Variants in ELP6 observed in about 807,000 individuals in gnomAD.
The protein encoded by ELP6 is elongator complex protein 6.
In ELP6, 23 loss-of-function variants were observed where a neutral mutation model predicts 28.1. The observed-to-expected ratio is 0.82, with a 90% CI of 0.59 to 1.16. The LOEUF is 1.16. Ranked by LOEUF, ELP6 falls within the 50% of genes most tolerant of loss-of-function variation. ELP6 has a pLI of 0.00. For synonymous variants in ELP6, 132 were observed against 135.8 expected, an observed-to-expected ratio of 0.97 and a Z score of 0.19; for missense variants, 313 against 334.6, an observed-to-expected ratio of 0.94 and a Z score of 0.50.
chr3:47,503,184 C>A, intron 4 of ELP6: 1 of 1,159,928 alleles, frequency 8.6e-7, no homozygotes, highest in Non-Finnish European at 1.1e-6. Flanking sequence ...GTCAGAGATG[C>A]TAAGGGATGT....
chr3:47,499,741 A>C (rs1180107870), intron 5 of ELP6: 2 of 1,006,910 alleles, frequency 2.0e-6, no homozygotes, highest in Non-Finnish European at 2.4e-6. Flanking sequence ...GAAAAAGAAT[A>C]AGTGGCTCCT....
intron 4 of ELP6, 29 bp from the exon 5 acceptor site, chr3:47,501,880 C>G: frequency 6.3e-7 from 1 of 1,593,904 alleles, no homozygotes; most frequent in Non-Finnish European, 8.6e-7. Flanking sequence ...AGTTACCAGA[C>G]TTCACTCTCT....
chr3:47,509,088 C>T (rs760244704), intron 3 of ELP6, among the ~76,000 whole-genome samples: 5 of 148,680 alleles, frequency 3.4e-5, no homozygotes, highest in African/African-American at 7.5e-5. Context: ...TTTATTGAAA[C>T]GCTGTGTCAC....
chr3:47,513,231 A>G (rs1367681264), intron 1 of ELP6: 18 of 1,236,000 alleles, frequency 1.5e-5, no homozygotes, highest in Non-Finnish European at 7.1e-6. Flanking sequence ...ACCTTAGATG[A>G]TGCACCCGCC....
chr3:47,505,547 G>C (rs117768043), intron 3 of ELP6, among the ~76,000 whole-genome samples: 4,606 of 151,774 alleles, frequency 0.03, 245 homozygotes, highest in East Asian at 0.15. Context: ...TGGGATTACA[G>C]GTATGCACCA....
chr3:47,506,714 T>C (rs1008117183), intron 3 of ELP6, among the ~76,000 whole-genome samples: 2 of 152,336 alleles, frequency 1.3e-5, no homozygotes, highest in Non-Finnish European at 2.9e-5. Flanking sequence ...CAAACACACA[T>C]GCTCTACAAT....
chr3:47,505,911 C>T (rs1708821278), intron 3 of ELP6, among the ~76,000 whole-genome samples: 1 of 152,124 alleles, frequency 6.6e-6, no homozygotes, highest in Non-Finnish European at 1.5e-5. Flanking sequence ...TTTCACCATA[C>T]TGACCAGGCT....
chr3:47,497,517 A>G (rs1483888554), intron 6 of ELP6, among the ~76,000 whole-genome samples: 6 of 151,580 alleles, frequency 4.0e-5, no homozygotes, highest in African/African-American at 1.5e-4. Flanking sequence ...TTGTATTTCT[A>G]TTAGAGATGG....
At chr3:47,500,237 G>A (rs1253875347) in intron 5 of ELP6, 36 of 1,074,234 alleles carry the variant, frequency 3.4e-5, no homozygotes, top group Non-Finnish European at 4.0e-5. Context: ...AAGAAGTAGC[G>A]AACAGTGTGG....
chr3:47,504,285 C>G (rs555935710), intron 4 of ELP6, 45 bp downstream of exon 4: 1 of 1,536,928 alleles, frequency 6.5e-7, no homozygotes, highest in African/African-American at 1.4e-5. Flanking sequence ...TGCCTGGGCC[C>G]ACCTGCCACG....
chr3:47,496,330 T>TG (rs1329422126), intron 6 of ELP6, 133 bp from the exon 7 acceptor site: 16 of 1,426,154 alleles, frequency 1.1e-5, no homozygotes, highest in Middle Eastern at 2.6e-4. Flanking sequence ...CATCTGGTAA[T>TG]GGGGCCAACT....
chr3:47,500,000 C>T (rs1338772661), intron 5 of ELP6: 15 of 1,317,656 alleles, frequency 1.1e-5, no homozygotes, highest in African/African-American at 3.1e-5. Context: ...GACACACTGG[C>T]GGGTAAATAT....
At chr3:47,504,287 C>T (rs55867303) in intron 4 of ELP6, 43 bp downstream of exon 4, 19,821 of 1,539,542 alleles carry the variant, frequency 0.013, 184 homozygotes, top group Non-Finnish European at 0.015. Flanking sequence ...CCTGGGCCCA[C>T]CTGCCACGTG....
chr3:47,505,501 T>G (rs902772962), intron 3 of ELP6, among the ~76,000 whole-genome samples: 2 of 152,120 alleles, frequency 1.3e-5, no homozygotes, highest in African/African-American at 4.8e-5. Flanking sequence ...GCCTCCTAGG[T>G]TCAAGCGATT....
chr3:47,497,620 A>G (rs1395210771), intron 6 of ELP6, among the ~76,000 whole-genome samples: 1 of 149,116 alleles, frequency 6.7e-6, no homozygotes, highest in Non-Finnish European at 1.5e-5. Context: ...TACAGGTGTG[A>G]GTCTCCACCT....
At chr3:47,501,943 A>T in intron 4 of ELP6, 92 bp from the exon 5 acceptor site, 1 of 1,186,100 alleles carries the variant, frequency 8.4e-7, no homozygotes, top group Non-Finnish European at 1.2e-6. Context: ...GCTAAGGGGG[A>T]CAAAGAACTG....
At chr3:47,498,675 C>T in intron 5 of ELP6, 1 of 985,382 alleles carries the variant, frequency 1.0e-6, no homozygotes, top group Non-Finnish European at 1.2e-6. Context: ...TCATCTAAAC[C>T]AACAGTCTTC....
intron 4 of ELP6, 76 bp downstream of exon 4, chr3:47,504,254 T>A (rs1337800701): frequency 6.7e-7 from 1 of 1,488,236 alleles, no homozygotes; most frequent in Non-Finnish European, 9.0e-7. Context: ...TAAGAAGGAA[T>A]CACACAGCAA....
rs1348856530 is a variant in ELP6, at chr3:47,504,457, G to GA, written c.205-10dup. The GA allele has an allele frequency of 6.3e-6, 10 of 1,590,142 alleles. No homozygotes were observed. Among genetic ancestry groups the GA allele is most frequent in the Non-Finnish European group, 8.6e-6 (10 of 1,166,930 alleles). On this transcript the variant is annotated splice_polypyrimidine_tract_variant and intron_variant, in intron 3 of 6. Transcript: ENST00000296149. ...ATGGTCAGGCTGACACCCTAAACAT[G>GA]AAAAAGAGAGTGAGTTACTATGCCT...
Sources: gnomAD v4.1 joint callset for allele counts (sites outside exome capture counted in the v4.1 genomes callset) on GRCh38, gnomAD v4.1.1 for gene constraint, MANE v1.5 for transcripts, NCBI Gene and HGNC (gene_info 2026-07-23, HGNC 2026-07-21) for gene names.